The following C6orf136 variants were observed in gnomAD, a reference collection of about 807,000 sequenced individuals.
The protein encoded by C6orf136 is uncharacterized protein C6orf136.
A neutral mutation model predicts 44.0 loss-of-function variants in C6orf136; 29 were observed. The ratio of observed to expected loss-of-function variants is 0.66; its 90% confidence interval spans 0.49 to 0.90. The LOEUF (loss-of-function observed/expected upper bound fraction) is 0.90, where lower values mean the gene tolerates loss of function less well. C6orf136 is among the 40% of genes least tolerant of loss of function. C6orf136 has a pLI of 0.00. For synonymous variants in C6orf136, 293 were observed against 278.6 expected (o/e 1.05, Z -0.52); for missense variants, 628 against 669.3 (o/e 0.94, Z 0.68).
At position 30,649,756 on chromosome 6, in the gene C6orf136, G is replaced by C. The variant is rs369829820; in HGVS notation, c.814G>C (p.Gly272Arg). The change falls in exon 2 of 6, where the codon GGG (glycine) becomes CGG (arginine). Residue 272 changes from glycine (G) to arginine (R), a missense_variant. This residue lies in a region of C6orf136 where 497 missense variants were observed against 469.2 expected (regional missense o/e 1.06). Coordinates refer to ENST00000651131, the MANE Select transcript of C6orf136 (RefSeq NM_001161376.2). Reference sequence around the variant, plus strand: ...ATGGGTGGTTCTCCCTCCAGGAAAGGGGGAGGAGGGACCAGGACCTGAGTT... The same window carrying C: ...ATGGGTGGTTCTCCCTCCAGGAAAGCGGGAGGAGGGACCAGGACCTGAGTT... ...SAWVVLPPGK[G>R]EEGPGPELHS... 44 of 1,613,896 alleles carry C rather than the reference G, an allele frequency of 2.7e-5. No homozygotes were observed. The highest frequency in any genetic ancestry group is 3.5e-5 in the Non-Finnish European group (41 of 1,179,980).
chr6:30,647,260 G>A lies in C6orf136; in HGVS notation c.29G>A (p.Arg10Gln), dbSNP rs753677862. The part of the protein sequence containing the change: MYQPSRGAA[R>Q]RLGPCLRAYQ... ...TACCAGCCCAGCCGGGGTGCGGCCC[G>A]GCGTCTCGGCCCTTGCCTGCGCGCC... Residue 10 changes from arginine to glutamine, a missense_variant, in exon 1 of 6, where the codon CGG becomes CAG. Transcript: ENST00000651131. This position sits in a 1 kb window ranked among gnomAD's most constrained non-coding sequence, Gnocchi z 4.8. 1.3e-6 allele frequency: 2 copies of A among 1,597,582 alleles called. No homozygotes were observed. Among genetic ancestry groups the A allele is most frequent in the South Asian group, 1.1e-5 (1 of 90,268 alleles).
chr6:30,648,075 G>A (rs1158782809), intron 1 of C6orf136, among the ~76,000 whole-genome samples: 1 of 152,190 alleles, frequency 6.6e-6, no homozygotes, highest in Non-Finnish European at 1.5e-5. Flanking sequence ...TGCTTTCTAG[G>A]TCGCTACGTT....
At chr6:30,649,529 T>C (rs1424629577) in intron 1 of C6orf136, 29 bp from the exon 2 acceptor site, 3 of 1,564,782 alleles carry the variant, frequency 1.9e-6, no homozygotes, top group South Asian at 1.2e-5. Flanking sequence ...TGGATTCTTA[T>C]CTTTCTCCCT....
Position 30,650,948 on chromosome 6 carries a change from T to C in C6orf136, c.1018-46T>C, listed in dbSNP as rs754468123. 2.9e-6 allele frequency: 4 copies of C among 1,396,108 alleles called. No individual in the cohort carries two copies. In the East Asian group the frequency reaches 9.1e-5, roughly 32 times the overall value. 86.5% of individuals were successfully genotyped at this position (1,396,108 alleles called of 1,614,324 possible). On this transcript the variant is annotated intron_variant, in intron 2 of 5. Coordinates refer to ENST00000651131, the MANE Select transcript of C6orf136 (RefSeq NM_001161376.2). ...AAAATTAGAAAACTGAAAAATAGGATTATCTTTTCTTTCCCACTGGGTTGA... is the reference window on the plus strand; with the variant it reads ...AAAATTAGAAAACTGAAAAATAGGACTATCTTTTCTTTCCCACTGGGTTGA...
chr6:30,647,590 G>A lies in C6orf136; in HGVS notation c.359G>A (p.Arg120Gln). 6.5e-7 allele frequency: 1 copy of A among 1,543,330 alleles called. No homozygotes were observed. The change falls in exon 1 of 6, where the codon CGG (arginine) becomes CAG (glutamine). Residue 120 changes from arginine to glutamine, a missense_variant. Arg to Gln is a conservative substitution (Grantham distance 43, BLOSUM62 1). Transcript: ENST00000651131. This position sits in a 1 kb window ranked among gnomAD's most constrained non-coding sequence, Gnocchi z 4.8. ...GRVCVAPDSP[R>Q]LPVPRGDLKG... ...GTCTGCGTTGCGCCCGACTCTCCGC[G>A]GTTACCTGTGCCTAGAGGTGATTTG... is the stretch of plus-strand genomic sequence containing the variant.
chr6:30,652,847 G>A lies in C6orf136; in HGVS notation c.1423G>A (p.Val475Met). The change falls in exon 6 of 6, where the codon GTG becomes ATG. Residue 475 changes from valine to methionine, a missense_variant. This residue lies in a region of C6orf136 where 131 missense variants were observed against 200.1 expected (regional missense o/e 0.65). Coordinates refer to ENST00000651131, the MANE Select transcript of C6orf136 (RefSeq NM_001161376.2). ...TCCAACGCCTGTGAAGAAGCTGCTA[G>A]TGGGAGCCCTGGTGGCCCTGGGGCT... ...SPPTPVKKLLVGALVALGLSE... is the reference protein window; with the variant it reads ...SPPTPVKKLLMGALVALGLSE... 1.2e-6 allele frequency: 2 copies of A among 1,613,106 alleles called. No homozygotes were observed. The highest frequency in any genetic ancestry group is 1.7e-6 in the Non-Finnish European group (2 of 1,180,046).
chr6:30,651,080 C>T lies in C6orf136; in HGVS notation c.1104C>T (p.Thr368=). The change falls in exon 3 of 6, where the codon ACC becomes ACT. Residue 368 remains threonine (T), a splice_region_variant and synonymous_variant. Transcript: ENST00000651131. ...TCAATGAGATCCTCAACATACGTACCAAGTGAGAATTGGGGCACAGGTAGG... is the reference window on the plus strand; with the variant it reads ...TCAATGAGATCCTCAACATACGTACTAAGTGAGAATTGGGGCACAGGTAGG... ...EFINEILNIR[T]KGRTWYILSL... 1 of 1,613,018 alleles carries T rather than the reference C, an allele frequency of 6.2e-7. No homozygotes were observed. The highest frequency in any genetic ancestry group is 1.1e-5 in the South Asian group (1 of 91,060).
intron 2 of C6orf136, 124 bp downstream of exon 2, chr6:30,650,083 A>C: frequency 1.1e-6 from 1 of 881,602 alleles, no homozygotes; most frequent in Non-Finnish European, 1.7e-6. Context: ...ATATATTATA[A>C]ACATTTTCCT....
rs773289734 is a variant in C6orf136 at position 30,649,667 on chromosome 6, C to T, written c.725C>T (p.Pro242Leu). Residue 242 changes from proline to leucine, a missense_variant, in exon 2 of 6, where the codon CCC (proline) becomes CTC (leucine). Pro to Leu is a moderately conservative substitution (Grantham distance 98, BLOSUM62 -3). This residue lies in a region of C6orf136 where 497 missense variants were observed against 469.2 expected (regional missense o/e 1.06). Coordinates refer to ENST00000651131, the MANE Select transcript of C6orf136 (RefSeq NM_001161376.2). ...TGGTCTCCCCTGCCCCCACGCCTTCCCACCCAGCGTCTTCCCCAGGTTCCC... is the reference window on the plus strand; with the variant it reads ...TGGTCTCCCCTGCCCCCACGCCTTCTCACCCAGCGTCTTCCCCAGGTTCCC... ...LFWSPLPPRL[P>L]TQRLPQVPPL... 6.2e-7 allele frequency: 1 copy of T among 1,608,046 alleles called. No homozygotes were observed. The highest frequency in any genetic ancestry group is 8.5e-7 in the Non-Finnish European group (1 of 1,178,132).
At chr6:30,652,568 C>A in intron 4 of C6orf136, 80 bp from the exon 5 acceptor site, 1 of 1,277,966 alleles carries the variant, frequency 7.8e-7, no homozygotes, top group Non-Finnish European at 1.1e-6. Flanking sequence ...AATTTAGGGA[C>A]TACTCGTTTA....
At position 30,651,490 on chromosome 6, in the gene C6orf136, C is replaced by T. The variant is rs1414211226; in HGVS notation, c.1307+24C>T. On this transcript the variant is annotated intron_variant, in intron 4 of 5. Transcript: ENST00000651131. ...CGGTAAGAGAGAAATGAGAAAGGAC[C>T]CAAACTATAATCAGTTCCTTTTTTT... is the stretch of plus-strand genomic sequence containing the variant. 1.1e-5 allele frequency: 17 copies of T among 1,591,410 alleles called. No homozygotes were observed. The Admixed American group carries it at 2.7e-4, about 25-fold the overall frequency.
chr6:30,651,408 C>T lies in C6orf136; in HGVS notation c.1249C>T (p.Leu417=). 6.2e-7 allele frequency: 1 copy of T among 1,613,234 alleles called. No individual in the cohort carries two copies. Residue 417 remains leucine (L), a synonymous_variant, in exon 4 of 6, where the codon CTG becomes TTG. Transcript: ENST00000651131. The part of the protein sequence containing the change: ...TLQARWRLVG[L]PVHLLFLRFY... ...GCAAGCCCGGTGGCGGCTTGTGGGG[C>T]TGCCCGTCCACTTGCTCTTTTTGCG...
At position 30,647,954 on chromosome 6, in the gene C6orf136, C is replaced by A; in HGVS notation, c.615+108C>A. ...CCTAACTTTGGGTGACCTCCCCTTG[C>A]AGTTTCAACGTCGGTAAACCCAGGA... On this transcript the variant is annotated intron_variant, in intron 1 of 5. Coordinates refer to ENST00000651131, the MANE Select transcript of C6orf136 (RefSeq NM_001161376.2). The surrounding 1 kb of genome is among the most constrained non-coding windows in gnomAD (Gnocchi z 4.8). 1 of 1,392,976 alleles carries A rather than the reference C, an allele frequency of 7.2e-7. No homozygotes were observed. The highest frequency in any genetic ancestry group is 9.3e-7 in the Non-Finnish European group (1 of 1,070,280). 86.3% of individuals were successfully genotyped at this position (1,392,976 alleles called of 1,614,324 possible). A position where few individuals can be genotyped will look rare whatever the true frequency, so the allele number is the denominator to read the frequency against.
intron 4 of C6orf136, 37 bp downstream of exon 4, chr6:30,651,503 A>G (rs751276832): frequency 4.1e-6 from 6 of 1,479,940 alleles, no homozygotes; most frequent in South Asian, 1.2e-5. Flanking sequence ...AACTATAATC[A>G]GTTCCTTTTT....
Position 30,647,238 on chromosome 6 carries a change from CAGCCCAGCCG to C in C6orf136, c.8_17del (p.Gln3ArgfsTer20). The C allele has an allele frequency of 6.3e-7, 1 of 1,593,232 alleles. No individual in the cohort carries two copies. Among genetic ancestry groups the C allele is most frequent in the Non-Finnish European group, 8.5e-7 (1 of 1,173,196 alleles). On this transcript the variant is annotated frameshift_variant, in exon 1 of 6. Coordinates refer to ENST00000651131, the MANE Select transcript of C6orf136 (RefSeq NM_001161376.2). LOFTEE classifies it high-confidence loss of function. The surrounding 1 kb of genome is among the most constrained non-coding windows in gnomAD (Gnocchi z 4.8). The stretch of plus-strand genomic sequence containing the variant: ...TCTCCACTCCCGGAAGATCATGTAC[CAGCCCAGCCG>C]GGGTGCGGCCCGGCGTCTCGGCCCT...
chr6:30,648,913 CAGG>C (rs1210837365), intron 1 of C6orf136, among the ~76,000 whole-genome samples: 1 of 151,790 alleles, frequency 6.6e-6, no homozygotes, highest in Non-Finnish European at 1.5e-5. Context: ...GAGGCTGAGG[CAGG>C]AGAATGGCTT....
rs1338482692 is a variant in C6orf136 at position 30,647,189 on chromosome 6, G to A, written c.-43G>A. ...GCGCGCTCACCCCTGTGAGGAGGCC[G>A]GAGGTCGGACTCAGGAGGCTCCTTC... On this transcript the variant is annotated 5_prime_UTR_variant, in exon 1 of 6. Coordinates refer to ENST00000651131, the MANE Select transcript of C6orf136 (RefSeq NM_001161376.2). The surrounding 1 kb of genome is among the most constrained non-coding windows in gnomAD (Gnocchi z 4.8). 4.0e-6 allele frequency: 6 copies of A among 1,510,034 alleles called. No individual in the cohort carries two copies. The highest frequency in any genetic ancestry group is 5.3e-6 in the Non-Finnish European group (6 of 1,135,972). The allele number at this position is 1,510,034 out of a possible 1,614,324, so 93.5% of individuals were successfully genotyped here.
At chr6:30,648,520 T>A (rs1767090468) in intron 1 of C6orf136, among the ~76,000 whole-genome samples, 1 of 150,516 alleles carries the variant, frequency 6.6e-6, no homozygotes, top group South Asian at 2.1e-4. Context: ...TTCCTCAGCC[T>A]CCCGAGTAGC....
At chr6:30,650,950 A>G in intron 2 of C6orf136, 44 bp from the exon 3 acceptor site, 1 of 1,406,530 alleles carries the variant, frequency 7.1e-7, no homozygotes, top group Non-Finnish European at 9.9e-7. Context: ...AAATAGGATT[A>G]TCTTTTCTTT....
Sources: gnomAD v4.1 joint callset for allele counts (sites outside exome capture counted in the v4.1 genomes callset) on GRCh38, gnomAD v4.1.1 for gene constraint, gnomAD v4.1.1 regional missense constraint, Gnocchi (gnomAD v3.1) non-coding constraint, MANE v1.5 for transcripts, NCBI Gene and HGNC (gene_info 2026-07-23, HGNC 2026-07-21) for gene names.